The following SVOP variants were observed in gnomAD, a reference collection of about 807,000 sequenced individuals.
SVOP encodes SV2 related protein.
Under a neutral mutation model 69.1 loss-of-function variants are expected in SVOP, and 17 were observed. That is an observed-to-expected ratio of 0.25 (90% CI 0.17 to 0.37). The LOEUF (loss-of-function observed/expected upper bound fraction) is 0.37. SVOP is among the 10% of genes least tolerant of loss of function. SVOP has a pLI of 1.00. For synonymous variants in SVOP, 238 were observed against 238.6 expected (o/e 1.00, Z 0.02); for missense variants, 435 against 597.5 (o/e 0.73, Z 2.84).
At chr12:109,019,200 T>C (rs1434710723) in intron 1 of SVOP, among the ~76,000 whole-genome samples, 1 of 152,250 alleles carries the variant, frequency 6.6e-6, no homozygotes, top group African/African-American at 2.4e-5. Flanking sequence ...CTTTGAACTT[T>C]ATTTACCTTT....
At chr12:108,964,504 A>C (rs1008166342) in intron 5 of SVOP, among the ~76,000 whole-genome samples, 1 of 151,762 alleles carries the variant, frequency 6.6e-6, no homozygotes, top group Non-Finnish European at 1.5e-5. Context: ...CCCTCCTTCA[A>C]GGTCTGCTGG....
intron 1 of SVOP, among the ~76,000 whole-genome samples, chr12:109,014,727 T>G (rs1165636422): frequency 6.6e-6 from 1 of 152,190 alleles, no homozygotes; most frequent in Non-Finnish European, 1.5e-5. Context: ...TTTTTGGTCT[T>G]TCTTTCTTTT....
rs988690080 is a variant in SVOP at position 108,980,699 on chromosome 12, G to T, written c.197-2036C>A. Among the ~76,000 whole-genome samples the T allele has an allele frequency of 2.5e-5, 3 of 120,400 alleles. 1 individual carries two copies. The highest frequency in any genetic ancestry group is 1.1e-4 in the African/African-American group (3 of 28,004). 79.0% of individuals were successfully genotyped at this position (120,400 alleles called of 152,430 possible). Reference sequence around the variant, plus strand: ...CGGGAAGCGGAGCTTGCAGTGAGCCGAGATTGCGCCACTGCAGTCCGCAGT... The same window carrying T: ...CGGGAAGCGGAGCTTGCAGTGAGCCTAGATTGCGCCACTGCAGTCCGCAGT... On this transcript the variant is annotated intron_variant, in intron 2 of 15. Transcript: ENST00000610966.
rs751862309 is a variant in SVOP, at chr12:108,918,109, C to G, written c.1284G>C (p.Leu428=). ...FICVGRNVLT[L]LLFIARAFIS... ...TAAACGCTCTTGCAATGAAGAGTAA[C>G]AGAGTGAGCACATTTCTAGGAGGAG... Residue 428 remains leucine, a synonymous_variant, in exon 14 of 16, where the codon CTG becomes CTC. Coordinates refer to ENST00000610966, the MANE Select transcript of SVOP (RefSeq NM_018711.5). 17 of 1,571,446 alleles carry G rather than the reference C, an allele frequency of 1.1e-5. No homozygotes were observed. The highest frequency in any genetic ancestry group is 6.9e-6 in the Non-Finnish European group (8 of 1,158,164).
In SVOP at chr12:109,015,173, A is replaced by G. The variant is rs1026362917; in HGVS notation, c.35+5661T>C. Among the ~76,000 whole-genome samples, 4 of 152,176 alleles carry G rather than the reference A, an allele frequency of 2.6e-5. No individual in the cohort carries two copies. In the South Asian group the frequency reaches 6.2e-4, roughly 24 times the overall value. On this transcript the variant is annotated intron_variant, in intron 1 of 15. Transcript: ENST00000610966. ...CAGGTACCTTGGAGAAGAGCTTTCTAGCGGGTGGATCCTGAGGCAGGAGCC... is the reference window on the plus strand; with the variant it reads ...CAGGTACCTTGGAGAAGAGCTTTCTGGCGGGTGGATCCTGAGGCAGGAGCC...
intron 6 of SVOP, among the ~76,000 whole-genome samples, chr12:108,958,282 G>A (rs1457519838): frequency 1.3e-5 from 2 of 149,600 alleles, no homozygotes; most frequent in Admixed American, 1.3e-4. Context: ...GAGATTACAG[G>A]TGTAAGGTAC....
chr12:109,015,956 A>G (rs1203348025), intron 1 of SVOP, among the ~76,000 whole-genome samples: 2 of 152,184 alleles, frequency 1.3e-5, no homozygotes, highest in African/African-American at 2.4e-5. Flanking sequence ...AAGTTCAGAC[A>G]TGTGCTCTCA....
intron 1 of SVOP, among the ~76,000 whole-genome samples, chr12:108,984,414 G>T (rs1468683064): frequency 6.6e-6 from 1 of 152,154 alleles, no homozygotes; most frequent in Non-Finnish European, 1.5e-5. Flanking sequence ...CCACATTCCT[G>T]CATTGGAATT....
At chr12:108,992,746 G>A (rs1445308644) in intron 1 of SVOP, among the ~76,000 whole-genome samples, 1 of 152,190 alleles carries the variant, frequency 6.6e-6, no homozygotes, top group Admixed American at 6.6e-5. Flanking sequence ...GATTGCCAGG[G>A]AATGGGGAGT....
intron 1 of SVOP, among the ~76,000 whole-genome samples, chr12:108,994,407 T>C (rs1158601371): frequency 1.3e-5 from 2 of 152,026 alleles, no homozygotes; most frequent in African/African-American, 4.8e-5. Flanking sequence ...GGCAGGAGAA[T>C]CGCTTGAACC....
At chr12:108,914,379 T>C (rs2039701545) in intron 15 of SVOP, among the ~76,000 whole-genome samples, 2 of 152,224 alleles carry the variant, frequency 1.3e-5, no homozygotes, top group Non-Finnish European at 1.5e-5. Flanking sequence ...AATAAAAAAG[T>C]GATTCAAACA....
At position 108,912,124 on chromosome 12, in the gene SVOP, G is replaced by T; in HGVS notation, c.*411C>A. 1 of 994,138 alleles carries T rather than the reference G, an allele frequency of 1.0e-6. No individual in the cohort carries two copies. Among genetic ancestry groups the T allele is most frequent in the Non-Finnish European group, 1.2e-6 (1 of 822,140 alleles). 61.6% of individuals were successfully genotyped at this position (994,138 alleles called of 1,614,324 possible). A position where few individuals can be genotyped will look rare whatever the true frequency, so the allele number is the denominator to read the frequency against. ...AGTGTGGGAGAAACCTACTGAACAGGTCCGGTGGGTGGACAGCAGGTGTCA... is the reference window on the plus strand; with the variant it reads ...AGTGTGGGAGAAACCTACTGAACAGTTCCGGTGGGTGGACAGCAGGTGTCA... On this transcript the variant is annotated 3_prime_UTR_variant, in exon 16 of 16. Coordinates refer to ENST00000610966, the MANE Select transcript of SVOP (RefSeq NM_018711.5).
chr12:108,983,554 C>A (rs1161176924), intron 2 of SVOP, 47 bp downstream of exon 2: 1 of 398,646 alleles, frequency 2.5e-6, no homozygotes, highest in African/African-American at 2.1e-5. Context: ...GGGTAGGCAA[C>A]CTTGACCGTG....
chr12:108,994,297 C>T (rs1273610408), intron 1 of SVOP, among the ~76,000 whole-genome samples: 1 of 151,984 alleles, frequency 6.6e-6, no homozygotes, highest in Admixed American at 6.6e-5. Context: ...AGTTTCAAAC[C>T]AGCTTGGCCA....
intron 1 of SVOP, among the ~76,000 whole-genome samples, chr12:108,988,484 T>G (rs938838273): frequency 2.0e-5 from 3 of 152,174 alleles, no homozygotes; most frequent in Non-Finnish European, 4.4e-5. Flanking sequence ...AAGACTGTCC[T>G]TTCCCCTACT....
chr12:108,916,715 A>G (rs2039716302), intron 14 of SVOP, among the ~76,000 whole-genome samples: 1 of 152,172 alleles, frequency 6.6e-6, no homozygotes, highest in African/African-American at 2.4e-5. Context: ...TAGAACACCC[A>G]TATTGGACTC....
At chr12:108,918,209 GC>G in intron 13 of SVOP, 85 bp from the exon 14 acceptor site, 1 of 1,134,302 alleles carries the variant, frequency 8.8e-7, no homozygotes, top group South Asian at 1.7e-5. Flanking sequence ...CAGTATCAAT[GC>G]CCTAGCAATT....
intron 15 of SVOP, among the ~76,000 whole-genome samples, chr12:108,913,654 T>C (rs2039698568): frequency 6.6e-6 from 1 of 152,054 alleles, no homozygotes; most frequent in Admixed American, 6.6e-5. Context: ...CTGAGTCCCA[T>C]TTTCTTTTCT....
In SVOP at chr12:108,937,326, G is replaced by T. The variant is rs766534236; in HGVS notation, c.909C>A (p.Gly303=). 6.2e-7 allele frequency: 1 copy of T among 1,613,868 alleles called. No homozygotes were observed. The highest frequency in any genetic ancestry group is 8.5e-7 in the Non-Finnish European group (1 of 1,179,832). ...KLIISRQEDR[G]KMRDLFTPHF... is the part of the protein sequence containing the mutation. ...GGGGTGTGAAAAGGTCCCTCATTTT[G>T]CCTCGGTCTTCCTGTTTCAAAACAA... The change falls in exon 10 of 16, where the codon GGC becomes GGA. Residue 303 remains glycine (G), a synonymous_variant. Coordinates refer to ENST00000610966, the MANE Select transcript of SVOP (RefSeq NM_018711.5).
Sources: gnomAD v4.1 joint callset for allele counts (sites outside exome capture counted in the v4.1 genomes callset) on GRCh38, gnomAD v4.1.1 for gene constraint, MANE v1.5 for transcripts, NCBI Gene and HGNC (gene_info 2026-07-23, HGNC 2026-07-21) for gene names.